RSRC2: variants seen among roughly 807,000 people sequenced by gnomAD.
RSRC2 encodes arginine/serine-rich coiled-coil protein 2.
RSRC2 carries 5 observed loss-of-function variants against 61.3 expected under a neutral mutation model. The observed-to-expected ratio is 0.08, with a 90% CI of 0.04 to 0.17. RSRC2 has a LOEUF of 0.17. Among genes scored for constraint, RSRC2 ranks in the 10% least tolerant of loss-of-function variants. The probability of loss-of-function intolerance (pLI) is 1.00; values close to 1 mark genes in which losing one functional copy is unlikely to be tolerated. For missense variants in RSRC2, 381 were observed against 518.8 expected, an observed-to-expected ratio of 0.73 and a Z score of 2.58; for synonymous variants, 202 against 166.5, an observed-to-expected ratio of 1.21 and a Z score of -1.64.
chr12:122,511,260 G>C, intron 6 of RSRC2, 72 bp from the exon 7 acceptor site: 2 of 1,121,692 alleles, frequency 1.8e-6, no homozygotes, highest in Non-Finnish European at 1.3e-6. Flanking sequence ...CTCTATATGT[G>C]CATGTACAGA....
At chr12:122,514,079 A>G (rs1013208958) in intron 6 of RSRC2, among the ~76,000 whole-genome samples, 1 of 152,070 alleles carries the variant, frequency 6.6e-6, no homozygotes, top group African/African-American at 2.4e-5. Context: ...CAAAACCTAA[A>G]AAGTCTATTT....
intron 3 of RSRC2, chr12:122,520,536 C>T (rs1959182804): frequency 7.3e-7 from 1 of 1,367,574 alleles, no homozygotes; most frequent in Non-Finnish European, 9.8e-7. Flanking sequence ...ATTTTGCTAT[C>T]TGAGTCTGCA....
At chr12:122,515,968 GAC>G (rs1304734872) in intron 5 of RSRC2, among the ~76,000 whole-genome samples, 1 of 152,074 alleles carries the variant, frequency 6.6e-6, no homozygotes, top group Non-Finnish European at 1.5e-5. Flanking sequence ...CAGCCTGGGC[GAC>G]AGAGTGAGAC....
rs1593417462 is a variant in RSRC2 at position 122,521,543 on chromosome 12, A to G, written c.164-115T>C. On this transcript the variant is annotated intron_variant, in intron 2 of 9. Transcript: ENST00000331738. ...CCCATTAGTCTTCTTCCAATGACTAATTTTTTCATGGCACGGGTGGGATTA... is the reference window on the plus strand; with the variant it reads ...CCCATTAGTCTTCTTCCAATGACTAGTTTTTTCATGGCACGGGTGGGATTA... The G allele has an allele frequency of 3.6e-6, 3 of 822,342 alleles. No homozygotes were observed. The East Asian group carries it at 7.7e-5, about 21-fold the overall frequency. 50.9% of individuals were successfully genotyped at this position (822,342 alleles called of 1,614,324 possible).
intron 6 of RSRC2, chr12:122,514,032 CA>C (rs1246220567): frequency 6.6e-6 from 1 of 152,124 alleles, no homozygotes; most frequent in East Asian, 1.9e-4. Context: ...TCTCAAAAAA[CA>C]AAACACCTTA....
In RSRC2 at chr12:122,503,467, A is replaced by G. The variant is rs974682347; in HGVS notation, c.*2060T>C. Reference sequence around the variant, plus strand: ...CTTGGACCAATATACATATACACACATATTTTATTGGACAGTGCTGCTCTA... The same window carrying G: ...CTTGGACCAATATACATATACACACGTATTTTATTGGACAGTGCTGCTCTA... On this transcript the variant is annotated 3_prime_UTR_variant, in exon 10 of 10. Coordinates refer to ENST00000331738, the MANE Select transcript of RSRC2 (RefSeq NM_023012.6). The G allele has an allele frequency of 2.6e-5, 4 of 152,150 alleles. No homozygotes were observed. Among genetic ancestry groups the G allele is most frequent in the Non-Finnish European group, 4.4e-5 (3 of 68,028 alleles). 9.4% of individuals were successfully genotyped at this position (152,150 alleles called of 1,614,324 possible).
chr12:122,519,000 G>C lies in RSRC2; in HGVS notation c.237C>G (p.Ser79=), dbSNP rs761266616. Residue 79 remains serine, a synonymous_variant, in exon 4 of 10, where the codon TCC becomes TCG. Transcript: ENST00000331738. ...GTTCCTCAGACTTATGTTTCTTAGA[G>C]GATTTATCTTTGGATTCATGTCTTC... is the stretch of plus-strand genomic sequence containing the variant. ...EGRRHESKDK[S]SKKHKSEEHN... 41 of 1,613,566 alleles carry C rather than the reference G, an allele frequency of 2.5e-5. No homozygotes were observed. Among genetic ancestry groups the C allele is most frequent in the Non-Finnish European group, 3.5e-5 (41 of 1,179,818 alleles).
intron 4 of RSRC2, among the ~76,000 whole-genome samples, chr12:122,518,524 CAGAG>C (rs1352189402): frequency 6.7e-6 from 1 of 150,168 alleles, no homozygotes; most frequent in African/African-American, 2.5e-5. Context: ...ACCCAGGAGG[CAGAG>C]GTTGCAGTGA....
chr12:122,520,207 A>G (rs1959177105), intron 3 of RSRC2: 1 of 223,972 alleles, frequency 4.5e-6, no homozygotes, highest in Non-Finnish European at 9.1e-6. Context: ...TTTATCTGAA[A>G]ATGATCATAG....
chr12:122,507,099 T>C (rs1377837687), intron 8 of RSRC2, 176 bp from the exon 9 acceptor site: 4 of 630,274 alleles, frequency 6.3e-6, no homozygotes, highest in Middle Eastern at 4.2e-4. Context: ...AAGCAAGAGG[T>C]TGGCGCCGTG....
intron 1 of RSRC2, among the ~76,000 whole-genome samples, chr12:122,523,996 G>A (rs1454279473): frequency 6.6e-6 from 1 of 152,148 alleles, no homozygotes; most frequent in Admixed American, 6.5e-5. Flanking sequence ...TACCAGGGAG[G>A]CTCTCATGCC....
chr12:122,507,443 A>C (rs564166591), intron 8 of RSRC2, among the ~76,000 whole-genome samples: 2 of 152,028 alleles, frequency 1.3e-5, no homozygotes, highest in Non-Finnish European at 2.9e-5. Context: ...CTTTTTCAAC[A>C]TGCAATTTTT....
Position 122,515,147 on chromosome 12 carries a change from C to A in RSRC2, c.683G>T (p.Gly228Val). Residue 228 changes from glycine to valine, a missense_variant, in exon 6 of 10, where the codon GGC (glycine) becomes GTC (valine). Around this residue, in one of 4 missense-constraint regions of RSRC2, gnomAD observed 11 missense variants for 37.8 expected, o/e 0.29. Coordinates refer to ENST00000331738, the MANE Select transcript of RSRC2 (RefSeq NM_023012.6). Reference sequence around the variant, plus strand: ...CTGTGCATCCATTGCTGTGTTTCTGCCTCTGAAGGGAGGTGGACTTGGAGT... The same window carrying A: ...CTGTGCATCCATTGCTGTGTTTCTGACTCTGAAGGGAGGTGGACTTGGAGT... ...SRTPSPPPFR[G>V]RNTAMDAQEA... is the part of the protein sequence containing the mutation. 1 of 1,614,132 alleles carries A rather than the reference C, an allele frequency of 6.2e-7. No individual in the cohort carries two copies. Among genetic ancestry groups the A allele is most frequent in the South Asian group, 1.1e-5 (1 of 91,072 alleles).
intron 3 of RSRC2, 70 bp from the exon 4 acceptor site, chr12:122,519,099 G>T: frequency 7.7e-7 from 1 of 1,299,098 alleles, no homozygotes; most frequent in Non-Finnish European, 1.1e-6. Context: ...GGTATCAGTA[G>T]ACAAAAATGT....
chr12:122,505,002 A>C lies in RSRC2; in HGVS notation c.*525T>G, dbSNP rs1958032352. On this transcript the variant is annotated 3_prime_UTR_variant, in exon 10 of 10. Coordinates refer to ENST00000331738, the MANE Select transcript of RSRC2 (RefSeq NM_023012.6). ...TAACAGCAATTGCCAAATGCTACAG[A>C]AACTATAAAACAAATTCAAAGAAAC... 6.5e-6 allele frequency: 1 copy of C among 152,698 alleles called. No homozygotes were observed. The highest frequency in any genetic ancestry group is 2.4e-5 in the African/African-American group (1 of 41,470). 9.5% of individuals were successfully genotyped at this position (152,698 alleles called of 1,614,324 possible). A position where few individuals can be genotyped will look rare whatever the true frequency, so the allele number is the denominator to read the frequency against.
chr12:122,524,899 C>T (rs1165787910), intron 1 of RSRC2, among the ~76,000 whole-genome samples: 2 of 152,154 alleles, frequency 1.3e-5, no homozygotes, highest in Non-Finnish European at 2.9e-5. Flanking sequence ...GAGGTAGCCA[C>T]TTTGGTTTCT....
chr12:122,505,295 T>C lies in RSRC2; in HGVS notation c.*232A>G, dbSNP rs1958048215. Reference sequence around the variant, plus strand: ...TATTTGAAAAGTAGAATTCATGAACTAAAAAATATTATCCTTCTATAGTCC... The same window carrying C: ...TATTTGAAAAGTAGAATTCATGAACCAAAAAATATTATCCTTCTATAGTCC... On this transcript the variant is annotated 3_prime_UTR_variant, in exon 10 of 10. Transcript: ENST00000331738. The C allele has an allele frequency of 5.3e-6, 2 of 378,404 alleles. No homozygotes were observed. Among genetic ancestry groups the C allele is most frequent in the Non-Finnish European group, 9.4e-6 (2 of 213,640 alleles). The allele number at this position is 378,404 out of a possible 1,614,324, so 23.4% of individuals were successfully genotyped here.
rs938034593 is a variant in RSRC2, at chr12:122,518,836, T to C, written c.398+3A>G. On this transcript the variant is annotated splice_donor_region_variant and intron_variant, in intron 4 of 9. Coordinates refer to ENST00000331738, the MANE Select transcript of RSRC2 (RefSeq NM_023012.6). ...TACTACATTATAATACAACATGACT[T>C]ACCTTTCACGAGACCTAGATCTTGA... 1.2e-6 allele frequency: 2 copies of C among 1,611,902 alleles called. No homozygotes were observed. Among genetic ancestry groups the C allele is most frequent in the Non-Finnish European group, 1.7e-6 (2 of 1,178,040 alleles).
rs1445050899 is a variant in RSRC2 at position 122,515,294 on chromosome 12, CAATT to C, written c.603-71_603-68del. The C allele has an allele frequency of 2.0e-6, 3 of 1,488,016 alleles. No homozygotes were observed. In the East Asian group the frequency reaches 6.9e-5, roughly 34 times the overall value. The allele number at this position is 1,488,016 out of a possible 1,614,324, so 92.2% of individuals were successfully genotyped here. On this transcript the variant is annotated intron_variant, in intron 5 of 9. Coordinates refer to ENST00000331738, the MANE Select transcript of RSRC2 (RefSeq NM_023012.6). ...CATAACTATTTTGTTAATAAGAAAT[CAATT>C]AGTTCAAACAAAAATCCCAACGATA...
Sources: allele counts gnomAD v4.1 joint callset (sites outside exome capture counted in the v4.1 genomes callset), GRCh38; gene constraint gnomAD v4.1.1; regional missense constraint gnomAD v4.1.1; transcripts MANE v1.5; gene names NCBI Gene and HGNC (gene_info 2026-07-23, HGNC 2026-07-21).